Variants in EGLN3 observed in about 807,000 individuals in gnomAD.
EGLN3 encodes egl-9 family hypoxia inducible factor 3.
EGLN3 carries 15 observed loss-of-function variants against 26.0 expected under a neutral mutation model. That is an observed-to-expected ratio of 0.58 (90% CI 0.39 to 0.89). The LOEUF is 0.89. EGLN3 is among the 40% of genes least tolerant of loss of function. The probability of loss-of-function intolerance (pLI) is 0.00; values close to 1 mark genes in which losing one functional copy is unlikely to be tolerated. For synonymous variants in EGLN3, 147 were observed against 127.2 expected, an observed-to-expected ratio of 1.16 and a Z score of -1.05; for missense variants, 238 against 311.6, an observed-to-expected ratio of 0.76 and a Z score of 1.78.
chr14:33,929,319 A>T, intron 2 of EGLN3, 107 bp from the exon 3 acceptor site: 1 of 1,354,258 alleles, frequency 7.4e-7, no homozygotes, highest in South Asian at 1.4e-5. Context: ...CACCACTCCA[A>T]ATGCATGGTA....
In EGLN3 at chr14:33,950,815, G is replaced by A; in HGVS notation, c.-63C>T. 3 of 1,447,628 alleles carry A rather than the reference G, an allele frequency of 2.1e-6. No homozygotes were observed. Among genetic ancestry groups the A allele is most frequent in the Non-Finnish European group, 2.8e-6 (3 of 1,061,028 alleles). 89.7% of individuals were successfully genotyped at this position (1,447,628 alleles called of 1,614,324 possible). ...CAACCAGAGAGGGAACGATCTACACGAGCGCGAAGCCGAGGCGCGGGGAGC... is the reference window on the plus strand; with the variant it reads ...CAACCAGAGAGGGAACGATCTACACAAGCGCGAAGCCGAGGCGCGGGGAGC... On this transcript the variant is annotated 5_prime_UTR_variant, in exon 1 of 5. Coordinates refer to ENST00000250457, the MANE Select transcript of EGLN3 (RefSeq NM_022073.4).
rs965395084 is a variant in EGLN3 at position 33,924,592 on chromosome 14, T to A, written c.*1299A>T. 7 of 152,090 alleles carry A rather than the reference T, an allele frequency of 4.6e-5. No individual in the cohort carries two copies. Among genetic ancestry groups the A allele is most frequent in the African/African-American group, 1.7e-4 (7 of 41,438 alleles). The allele number at this position is 152,090 out of a possible 1,614,324, so 9.4% of individuals were successfully genotyped here. A position where few individuals can be genotyped will look rare whatever the true frequency, so the allele number is the denominator to read the frequency against. ...GGAAAATATTTCTGGCTCTTTAATG[T>A]TCATGGGATTTTCAAGCAAGAAATT... On this transcript the variant is annotated 3_prime_UTR_variant, in exon 5 of 5. Transcript: ENST00000250457.
chr14:33,934,791 C>T (rs960257297), intron 1 of EGLN3, among the ~76,000 whole-genome samples: 1 of 152,144 alleles, frequency 6.6e-6, no homozygotes, highest in Non-Finnish European at 1.5e-5. Flanking sequence ...TAGTATGACT[C>T]GATCTTGAAC....
intron 1 of EGLN3, among the ~76,000 whole-genome samples, chr14:33,944,669 C>T (rs938469020): frequency 2.0e-5 from 3 of 152,184 alleles, no homozygotes; most frequent in African/African-American, 7.2e-5. Context: ...GACTAATGAG[C>T]GTAAACGTGC....
At chr14:33,947,583 G>C (rs1227284496) in intron 1 of EGLN3, among the ~76,000 whole-genome samples, 1 of 152,142 alleles carries the variant, frequency 6.6e-6, no homozygotes, top group Non-Finnish European at 1.5e-5. Context: ...AAAAAGAAAT[G>C]AAATTTGGGT....
chr14:33,946,372 G>A (rs1304351872), intron 1 of EGLN3, among the ~76,000 whole-genome samples: 4 of 141,300 alleles, frequency 2.8e-5, no homozygotes, highest in Non-Finnish European at 6.3e-5. Flanking sequence ...GCAAAACTCT[G>A]TCTCAATAAA....
intron 1 of EGLN3, among the ~76,000 whole-genome samples, chr14:33,943,474 C>T (rs2138825373): frequency 6.6e-6 from 1 of 152,314 alleles, no homozygotes; most frequent in Non-Finnish European, 1.5e-5. Flanking sequence ...CAAAGTGCTG[C>T]TACCAAGGAA....
At chr14:33,932,413 G>A (rs1046700659) in intron 1 of EGLN3, among the ~76,000 whole-genome samples, 4 of 152,140 alleles carry the variant, frequency 2.6e-5, no homozygotes, top group African/African-American at 9.7e-5. Context: ...TGGCAGCGTT[G>A]CTTCATTGGT....
chr14:33,942,842 T>C (rs2064492667), intron 1 of EGLN3, among the ~76,000 whole-genome samples: 1 of 152,230 alleles, frequency 6.6e-6, no homozygotes. Context: ...TGAGAATCAT[T>C]GTACCTTCTA....
chr14:33,933,706 T>C (rs2064420294), intron 1 of EGLN3, among the ~76,000 whole-genome samples: 1 of 152,068 alleles, frequency 6.6e-6, no homozygotes. Context: ...TCTAAAACCA[T>C]GAGGCTAAGG....
At chr14:33,940,680 T>C (rs1376081958) in intron 1 of EGLN3, among the ~76,000 whole-genome samples, 1 of 151,990 alleles carries the variant, frequency 6.6e-6, no homozygotes, top group Non-Finnish European at 1.5e-5. Context: ...AGCCCTTATA[T>C]GGCAAAGTCG....
At position 33,929,219 on chromosome 14, in the gene EGLN3, G is replaced by C. The variant is rs767327100; in HGVS notation, c.478-7C>G. ...GCAGGATCCCACCATGTAGCTGAAA[G>C]ACACAAAGAAGGGGGATTATTTCTT... On this transcript the variant is annotated splice_region_variant and splice_polypyrimidine_tract_variant and intron_variant, in intron 2 of 4. Coordinates refer to ENST00000250457, the MANE Select transcript of EGLN3 (RefSeq NM_022073.4). The C allele has an allele frequency of 6.2e-7, 1 of 1,613,856 alleles. No individual in the cohort carries two copies. The highest frequency in any genetic ancestry group is 1.7e-5 in the Admixed American group (1 of 59,954).
At chr14:33,941,699 A>C (rs150116450) in intron 1 of EGLN3, among the ~76,000 whole-genome samples, 3 of 152,334 alleles carry the variant, frequency 2.0e-5, no homozygotes, top group Admixed American at 1.3e-4. Flanking sequence ...AAAGCTTAAC[A>C]GTCTCTGCAT....
chr14:33,941,822 A>G (rs2064485552), intron 1 of EGLN3, among the ~76,000 whole-genome samples: 1 of 152,202 alleles, frequency 6.6e-6, no homozygotes, highest in Non-Finnish European at 1.5e-5. Context: ...GGAAGACTTC[A>G]GGGAACAGGC....
At chr14:33,946,528 A>G (rs2064519697) in intron 1 of EGLN3, among the ~76,000 whole-genome samples, 1 of 152,188 alleles carries the variant, frequency 6.6e-6, no homozygotes, top group Non-Finnish European at 1.5e-5. Context: ...CCTACAATTC[A>G]AAGTATACGA....
chr14:33,926,901 T>A, intron 4 of EGLN3, 59 bp downstream of exon 4: 1 of 1,300,386 alleles, frequency 7.7e-7, no homozygotes. Context: ...CTACATAAAA[T>A]TGAATAAAAG....
chr14:33,950,264 A>G (rs2064547927), intron 1 of EGLN3, 132 bp downstream of exon 1: 2 of 870,896 alleles, frequency 2.3e-6, no homozygotes, highest in Non-Finnish European at 3.8e-6. Flanking sequence ...CAGCGAGTAG[A>G]GACAAACCAG....
In EGLN3 at chr14:33,950,747, G is replaced by C. The variant is rs762017112; in HGVS notation, c.6C>G (p.Pro2=). 4.4e-6 allele frequency: 7 copies of C among 1,602,588 alleles called. No individual in the cohort carries two copies. Among genetic ancestry groups the C allele is most frequent in the Non-Finnish European group, 6.0e-6 (7 of 1,171,442 alleles). ...GGTCCAGCCTCATGATGTGTCCCAG[G>C]GGCATCTCGCCCGCAGAATCGAGGT... M[P]LGHIMRLDLE... is the part of the protein sequence containing the mutation. Residue 2 remains proline (P), a synonymous_variant, in exon 1 of 5, where the codon CCC becomes CCG. Transcript: ENST00000250457.
rs368729677 is a variant in EGLN3, at chr14:33,931,081, A to G, written c.477+15T>C. ...GTTTCTAACCCCACACTCTACTCCC[A>G]TTATTCAAAAGTACCTTGGCATCCC... On this transcript the variant is annotated intron_variant, in intron 2 of 4. Transcript: ENST00000250457. 8 of 1,614,066 alleles carry G rather than the reference A, an allele frequency of 5.0e-6. No homozygotes were observed. The highest frequency in any genetic ancestry group is 6.8e-6 in the Non-Finnish European group (8 of 1,179,984).
Sources: gnomAD v4.1 joint callset for allele counts (sites outside exome capture counted in the v4.1 genomes callset) on GRCh38, gnomAD v4.1.1 for gene constraint, MANE v1.5 for transcripts, NCBI Gene and HGNC (gene_info 2026-07-23, HGNC 2026-07-21) for gene names.